NRG1: variants seen among roughly 807,000 people sequenced by gnomAD.
NRG1 encodes neuregulin 1.
Under a neutral mutation model 63.8 loss-of-function variants are expected in NRG1, and 18 were observed. That is an observed-to-expected ratio of 0.28 (90% CI 0.19 to 0.42). The LOEUF is 0.42. Among genes scored for constraint, NRG1 ranks in the 10% least tolerant of loss-of-function variants. NRG1 has a pLI of 1.00. For synonymous variants in NRG1, 302 were observed against 301.3 expected (o/e 1.00, Z -0.02); for missense variants, 762 against 814.7 (o/e 0.94, Z 0.79).
At position 32,315,179 on chromosome 8, in the gene NRG1, C is replaced by A. The variant is rs963164337; in HGVS notation, c.38-280649C>A. Reference sequence around the variant, plus strand: ...ATGGTGTTTTGCTGCCCCTATCAACCCTTCACCTAGATATTAAGCCCCACA... The same window carrying A: ...ATGGTGTTTTGCTGCCCCTATCAACACTTCACCTAGATATTAAGCCCCACA... On this transcript the variant is annotated intron_variant, in intron 1 of 10. Transcript: ENST00000519301. 6.6e-5 allele frequency among the ~76,000 whole-genome samples: 10 copies of A among 152,232 alleles called. No homozygotes were observed. The East Asian group carries it at 1.9e-3, about 29-fold the overall frequency.
intron 1 of NRG1, among the ~76,000 whole-genome samples, chr8:31,905,050 A>G (rs908273406): frequency 2.0e-5 from 3 of 152,166 alleles, no homozygotes; most frequent in South Asian, 4.1e-4. Context: ...AAGATCATCT[A>G]GACTTGGGTA....
intron 1 of NRG1, among the ~76,000 whole-genome samples, chr8:32,227,921 TAGTA>T (rs1017538097): frequency 1.3e-5 from 2 of 152,230 alleles, no homozygotes; most frequent in African/African-American, 4.8e-5. Context: ...TTGTATCAAT[TAGTA>T]AGCACACTGG....
intron 1 of NRG1, among the ~76,000 whole-genome samples, chr8:32,261,460 A>C (rs991635419): frequency 6.6e-6 from 1 of 151,888 alleles, no homozygotes; most frequent in Non-Finnish European, 1.5e-5. Flanking sequence ...GGCTTTTCTT[A>C]CTAGCCTTTT....
chr8:31,976,186 C>G (rs1235307428), intron 1 of NRG1, among the ~76,000 whole-genome samples: 1 of 152,106 alleles, frequency 6.6e-6, no homozygotes, highest in Non-Finnish European at 1.5e-5. Context: ...TGCCAATTAC[C>G]ATTGTTTGGT....
At chr8:31,774,713 T>C (rs755437054) in intron 1 of NRG1, among the ~76,000 whole-genome samples, 3 of 152,160 alleles carry the variant, frequency 2.0e-5, no homozygotes, top group Non-Finnish European at 2.9e-5. Flanking sequence ...CCCAGTTGTC[T>C]GCAAGGAACT....
chr8:31,919,182 G>GT (rs1165564225), intron 1 of NRG1, among the ~76,000 whole-genome samples: 1 of 151,886 alleles, frequency 6.6e-6, no homozygotes, highest in Non-Finnish European at 1.5e-5. Flanking sequence ...TTTTTGAAGG[G>GT]TTTTTTGTGT....
At chr8:32,067,728 G>T (rs1037502883) in intron 1 of NRG1, among the ~76,000 whole-genome samples, 2 of 151,810 alleles carry the variant, frequency 1.3e-5, no homozygotes, top group Non-Finnish European at 2.9e-5. Flanking sequence ...CATTAAACTT[G>T]GTTTAAAAAA....
intron 1 of NRG1, among the ~76,000 whole-genome samples, chr8:32,226,070 A>G (rs16878998): frequency 0.021 from 3,175 of 152,292 alleles, 48 homozygotes; most frequent in Middle Eastern, 0.048. Context: ...TTGAGGACTG[A>G]AGATATGGCT....
intron 1 of NRG1, among the ~76,000 whole-genome samples, chr8:32,329,905 A>G (rs757628044): frequency 9.2e-5 from 14 of 151,802 alleles, no homozygotes; most frequent in Non-Finnish European, 1.6e-4. Context: ...AGGGGGTCTC[A>G]TTCTGTCATC....
intron 1 of NRG1, among the ~76,000 whole-genome samples, chr8:32,446,660 CA>C (rs34552394): frequency 1.3e-5 from 2 of 149,718 alleles, no homozygotes; most frequent in Non-Finnish European, 3.0e-5. Context: ...GTCTCAAAAA[CA>C]AAAAAAAAAG....
intron 1 of NRG1, among the ~76,000 whole-genome samples, chr8:32,549,936 T>C (rs1007947979): frequency 6.6e-6 from 1 of 152,224 alleles, no homozygotes. Context: ...ACACATTTCA[T>C]GAAGCACTTC....
intron 1 of NRG1, among the ~76,000 whole-genome samples, chr8:32,131,394 T>G (rs10954829): frequency 0.55 from 82,946 of 151,768 alleles, 24,023 homozygotes; most frequent in Admixed American, 0.65. Flanking sequence ...CTTTACCTTC[T>G]TTAAACTGCA....
At chr8:32,037,230 C>T (rs941647270) in intron 1 of NRG1, among the ~76,000 whole-genome samples, 1 of 152,098 alleles carries the variant, frequency 6.6e-6, no homozygotes, top group Admixed American at 6.5e-5. Flanking sequence ...CACTTCAGAC[C>T]CTATTCACCT....
chr8:32,360,324 AAAG>A (rs1318195497), intron 1 of NRG1, among the ~76,000 whole-genome samples: 1 of 152,190 alleles, frequency 6.6e-6, no homozygotes, highest in Admixed American at 6.5e-5. Flanking sequence ...TGTGAAGCTG[AAAG>A]AAGTTTATTT....
At position 32,666,693 on chromosome 8, in the gene NRG1, G is replaced by A. The variant is rs137911466; in HGVS notation, c.502+49808G>A. 5.3e-5 allele frequency among the ~76,000 whole-genome samples: 8 copies of A among 152,286 alleles called. No individual in the cohort carries two copies. In the East Asian group the frequency reaches 1.2e-3, roughly 22 times the overall value. ...ATTGTTAGGCGTACAGTTTGGTAGT[G>A]TCAGATGTGTTCACATTGTTGTGAG... On this transcript the variant is annotated intron_variant, in intron 5 of 11. Coordinates refer to ENST00000356819, the Ensembl canonical transcript of NRG1.
In NRG1 at chr8:32,238,188, C is replaced by T. The variant is rs566744055; in HGVS notation, c.38-357640C>T. ...AAAAATCCTTTAGGAGGGGGCCAGGCGTGGTGGCTCATGCCTGTAATCCCA... is the reference window on the plus strand; with the variant it reads ...AAAAATCCTTTAGGAGGGGGCCAGGTGTGGTGGCTCATGCCTGTAATCCCA... On this transcript the variant is annotated intron_variant, in intron 1 of 10. Transcript: ENST00000519301. Among the ~76,000 whole-genome samples the T allele has an allele frequency of 3.4e-4, 51 of 152,138 alleles. No homozygotes were observed. In the South Asian group the frequency reaches 8.5e-3, roughly 25 times the overall value.
chr8:32,537,315 G>A (rs1397533612), intron 1 of NRG1, among the ~76,000 whole-genome samples: 1 of 151,648 alleles, frequency 6.6e-6, no homozygotes, highest in African/African-American at 2.4e-5. Flanking sequence ...AACTGAGTTG[G>A]TTCATTGTCT....
At chr8:32,647,239 C>A in intron 5 of NRG1, 2 of 983,520 alleles carry the variant, frequency 2.0e-6, no homozygotes, top group Non-Finnish European at 2.4e-6. Flanking sequence ...CTCCTGCCGC[C>A]GCTGCTGCTG....
At chr8:32,357,565 A>G (rs1806608297) in intron 1 of NRG1, among the ~76,000 whole-genome samples, 1 of 152,220 alleles carries the variant, frequency 6.6e-6, no homozygotes. Context: ...TTACAAACCA[A>G]GATCTAATTT....
Sources: gnomAD v4.1 joint callset for allele counts (sites outside exome capture counted in the v4.1 genomes callset) on GRCh38, gnomAD v4.1.1 for gene constraint, MANE v1.5 for transcripts, NCBI Gene and HGNC (gene_info 2026-07-23, HGNC 2026-07-21) for gene names.